The following TLE3 variants were observed in gnomAD, a reference collection of about 807,000 sequenced individuals.
TLE3 encodes the protein TLE family member 3, transcriptional corepressor, also known as transducin-like enhancer protein 3.
A neutral mutation model predicts 93.0 loss-of-function variants in TLE3; 14 were observed. The ratio of observed to expected loss-of-function variants is 0.15; its 90% CI spans 0.10 to 0.24. The LOEUF (loss-of-function observed/expected upper bound fraction) is 0.24. Among genes scored for constraint, TLE3 ranks in the 10% least tolerant of loss-of-function variants. The probability of loss-of-function intolerance (pLI) is 1.00; values close to 1 mark genes in which losing one functional copy is unlikely to be tolerated. For synonymous variants in TLE3, 451 were observed against 425.0 expected (o/e 1.06, Z -0.75); for missense variants, 693 against 1,046.6 (o/e 0.66, Z 4.66).
intron 3 of TLE3, among the ~76,000 whole-genome samples, chr15:70,095,178 G>C (rs1166966643): frequency 6.6e-6 from 1 of 152,150 alleles, no homozygotes; most frequent in Non-Finnish European, 1.5e-5. Context: ...AAGCAGAAAA[G>C]TTTCCAAACA....
At chr15:70,092,394 C>T (rs1412779463) in intron 4 of TLE3, among the ~76,000 whole-genome samples, 2 of 152,204 alleles carry the variant, frequency 1.3e-5, no homozygotes, top group Non-Finnish European at 2.9e-5. Flanking sequence ...TCAGAGCACA[C>T]ATGTTCAGGC....
intron 4 of TLE3, among the ~76,000 whole-genome samples, chr15:70,092,727 G>A (rs947349285): frequency 6.6e-6 from 1 of 152,172 alleles, no homozygotes; most frequent in Non-Finnish European, 1.5e-5. Context: ...CTCTTCCTGC[G>A]TTCACAGCAT....
chr15:70,050,015 TC>T lies in TLE3; in HGVS notation c.*81del. ...GCCTGCGGCCCATCCTCCGCCATCC[TC>T]GGGGCCCCTCGCCTGGGGGTCTCCC... On this transcript the variant is annotated 3_prime_UTR_variant, in exon 20 of 20. Coordinates refer to ENST00000451782, the MANE Select transcript of TLE3 (RefSeq NM_001105192.3). The T allele has an allele frequency of 7.9e-7, 1 of 1,272,266 alleles. No individual in the cohort carries two copies. The highest frequency in any genetic ancestry group is 1.1e-6 in the Non-Finnish European group (1 of 879,104). The allele number at this position is 1,272,266 out of a possible 1,614,324, so 78.8% of individuals were successfully genotyped here.
In TLE3 at chr15:70,059,011, G is replaced by A. The variant is rs558942372; in HGVS notation, c.766-196C>T. On this transcript the variant is annotated intron_variant, in intron 10 of 19. Transcript: ENST00000451782. ...GAGGCCTAGGGAGGGTGGAAGGATGGTCTTCCCAATGTCAAACACAAGTTC... is the reference window on the plus strand; with the variant it reads ...GAGGCCTAGGGAGGGTGGAAGGATGATCTTCCCAATGTCAAACACAAGTTC... Among the ~76,000 whole-genome samples the A allele has an allele frequency of 3.4e-3, 512 of 152,330 alleles. 4 individuals carry two copies. The highest frequency in any genetic ancestry group is 0.012 in the African/African-American group (494 of 41,564).
At chr15:70,096,053 C>T (rs933584116) in intron 2 of TLE3, 108 bp downstream of exon 2, 36 of 1,295,766 alleles carry the variant, frequency 2.8e-5, no homozygotes, top group South Asian at 2.6e-4. Context: ...CGGGCTGCCC[C>T]GCCGCCCCTA....
intron 4 of TLE3, among the ~76,000 whole-genome samples, chr15:70,093,113 G>A (rs935250036): frequency 1.3e-5 from 2 of 152,170 alleles, no homozygotes; most frequent in African/African-American, 2.4e-5. Flanking sequence ...TTTTTCCAAG[G>A]AGAAATATCT....
chr15:70,092,033 C>T (rs530817817), intron 4 of TLE3, among the ~76,000 whole-genome samples: 7 of 142,012 alleles, frequency 4.9e-5, no homozygotes, highest in South Asian at 2.3e-4. Flanking sequence ...TGTAATCACA[C>T]GAACAGTCAA....
intron 6 of TLE3, among the ~76,000 whole-genome samples, chr15:70,072,335 C>T (rs145791557): frequency 1.1e-3 from 171 of 152,200 alleles, no homozygotes; most frequent in African/African-American, 3.9e-3. Context: ...AAGAGGGGGG[C>T]AGAGGGTGAG....
At chr15:70,082,147 G>A (rs573160130) in intron 4 of TLE3, among the ~76,000 whole-genome samples, 179 of 151,866 alleles carry the variant, frequency 1.2e-3, no homozygotes, top group Non-Finnish European at 1.6e-3. Context: ...AGAATACCAC[G>A]TCTGGGCAAT....
At chr15:70,095,405 C>T in intron 3 of TLE3, 173 bp downstream of exon 3, 1 of 1,478,932 alleles carries the variant, frequency 6.8e-7, no homozygotes. Context: ...TCCAAGTGGC[C>T]CCGGCAATGG....
rs2057438996 is a variant in TLE3, at chr15:70,076,240, T to A, written c.235-82A>T. The A allele has an allele frequency of 5.3e-6, 6 of 1,127,354 alleles. No individual in the cohort carries two copies. The South Asian group carries it at 6.1e-5, about 11-fold the overall frequency. 69.8% of individuals were successfully genotyped at this position (1,127,354 alleles called of 1,614,324 possible). A position where few individuals can be genotyped will look rare whatever the true frequency, so the allele number is the denominator to read the frequency against. On this transcript the variant is annotated intron_variant, in intron 4 of 19. Coordinates refer to ENST00000451782, the MANE Select transcript of TLE3 (RefSeq NM_001105192.3). ...GTCATAGGCAAGTGGAAATGCAAAC[T>A]CCCCCCAGACCACAGCCCCTCTCCA...
rs1227851981 is a variant in TLE3, at chr15:70,058,276, T to C, written c.934A>G (p.Thr312Ala). 1 of 1,609,298 alleles carries C rather than the reference T, an allele frequency of 6.2e-7. No homozygotes were observed. Among genetic ancestry groups the C allele is most frequent in the South Asian group, 1.1e-5 (1 of 90,322 alleles). The change falls in exon 12 of 20, where the codon ACC becomes GCC. Residue 312 changes from threonine (T) to alanine (A), a missense_variant. Transcript: ENST00000451782. This position sits in a 1 kb window ranked among gnomAD's most constrained non-coding sequence, Gnocchi z 4.1. ...GGTGTGTTGGACTTGAGCCCAGGGG[T>C]GGAGGATTTGTCGTTCTGAAGAGGG... ...KDLGHNDKSS[T>A]PGLKSNTPTP...
Position 70,058,117 on chromosome 15 carries a change from C to T in TLE3, c.1051+42G>A, listed in dbSNP as rs768347813. The T allele has an allele frequency of 4.3e-5, 69 of 1,613,394 alleles. No homozygotes were observed. The highest frequency in any genetic ancestry group is 5.8e-5 in the Non-Finnish European group (69 of 1,179,686). On this transcript the variant is annotated intron_variant, in intron 12 of 19. Transcript: ENST00000451782. The surrounding 1 kb of genome is among the most constrained non-coding windows in gnomAD (Gnocchi z 4.1). ...CCTGGCCAAGAGCAGACCCCCTCCC[C>T]CCAATCAGATTAACCCAGCCCATGG...
Position 70,097,536 on chromosome 15 carries a change from G to C in TLE3, c.-738C>G. On this transcript the variant is annotated 5_prime_UTR_variant, in exon 1 of 20. Coordinates refer to ENST00000451782, the MANE Select transcript of TLE3 (RefSeq NM_001105192.3). ...TCAGTAGGTGCAAATCAAACGCCCTGGCATCCTAAGTCCAGCGGGCACGGG... is the reference window on the plus strand; with the variant it reads ...TCAGTAGGTGCAAATCAAACGCCCTCGCATCCTAAGTCCAGCGGGCACGGG... The C allele has an allele frequency of 2.5e-6, 1 of 400,484 alleles. No homozygotes were observed. The highest frequency in any genetic ancestry group is 1.1e-4 in the South Asian group (1 of 8,740). 24.8% of individuals were successfully genotyped at this position (400,484 alleles called of 1,614,324 possible). A position where few individuals can be genotyped will look rare whatever the true frequency, so the allele number is the denominator to read the frequency against.
intron 18 of TLE3, among the ~76,000 whole-genome samples, chr15:70,052,164 T>G (rs1354842018): frequency 6.6e-6 from 1 of 152,196 alleles, no homozygotes; most frequent in African/African-American, 2.4e-5. Flanking sequence ...GAGAGTTCAA[T>G]AACTCATGGT....
At chr15:70,051,306 C>T in intron 19 of TLE3, 85 bp downstream of exon 19, 1 of 1,360,802 alleles carries the variant, frequency 7.3e-7, no homozygotes, top group African/African-American at 1.5e-5. Context: ...TCCTGTTCTT[C>T]CTGCTGCTAT....
intron 4 of TLE3, among the ~76,000 whole-genome samples, chr15:70,079,750 T>C (rs538613202): frequency 5.9e-5 from 9 of 151,994 alleles, no homozygotes; most frequent in Non-Finnish European, 1.3e-4. Flanking sequence ...GAAGCCCTCC[T>C]AACAACAGTA....
intron 6 of TLE3, among the ~76,000 whole-genome samples, chr15:70,069,710 C>A (rs774521864): frequency 4.5e-4 from 68 of 152,226 alleles, no homozygotes; most frequent in Non-Finnish European, 7.9e-4. Flanking sequence ...AGAGCAGATG[C>A]CAGGGCTTGT....
chr15:70,096,549 G>A (rs905574167), intron 1 of TLE3: 2 of 1,400,522 alleles, frequency 1.4e-6, no homozygotes, highest in Non-Finnish European at 1.9e-6. Context: ...GCCGGGGACC[G>A]CGTGAACAGC....
Sources: allele counts gnomAD v4.1 joint callset (sites outside exome capture counted in the v4.1 genomes callset), GRCh38; gene constraint gnomAD v4.1.1; non-coding constraint Gnocchi (gnomAD v3.1); transcripts MANE v1.5; gene names NCBI Gene and HGNC (gene_info 2026-07-23, HGNC 2026-07-21).